ST6GALNAC3: variants seen among roughly 807,000 people sequenced by gnomAD.
ST6GALNAC3 encodes ST6 N-acetylgalactosaminide alpha-2,6-sialyltransferase 3, also known as alpha-N-acetylgalactosaminide alpha-2,6-sialyltransferase 3.
Under a neutral mutation model 32.7 loss-of-function variants are expected in ST6GALNAC3, and 25 were observed. The observed-to-expected ratio is 0.76, with a 90% CI of 0.56 to 1.07. ST6GALNAC3 has a LOEUF of 1.07. Among genes scored for constraint, ST6GALNAC3 ranks in the 50% least tolerant of loss-of-function variants. The probability of loss-of-function intolerance (pLI) is 0.00; values close to 1 mark genes in which losing one functional copy is unlikely to be tolerated. For missense variants in ST6GALNAC3, 355 were observed against 382.4 expected, an observed-to-expected ratio of 0.93 and a Z score of 0.60; for synonymous variants, 129 against 133.1, an observed-to-expected ratio of 0.97 and a Z score of 0.21.
At chr1:76,346,731 C>G (rs1648551937) in intron 2 of ST6GALNAC3, among the ~76,000 whole-genome samples, 1 of 152,086 alleles carries the variant, frequency 6.6e-6, no homozygotes. Context: ...CATAATGCTC[C>G]TGAGCACCCA....
chr1:76,283,214 T>C (rs1659597185), intron 1 of ST6GALNAC3, among the ~76,000 whole-genome samples: 1 of 152,186 alleles, frequency 6.6e-6, no homozygotes, highest in Non-Finnish European at 1.5e-5. Context: ...GTTTCTATAT[T>C]ATTATTTGTT....
intron 1 of ST6GALNAC3, among the ~76,000 whole-genome samples, chr1:76,248,265 G>A (rs1657420537): frequency 6.6e-6 from 1 of 152,112 alleles, no homozygotes; most frequent in African/African-American, 2.4e-5. Flanking sequence ...GACCATCTTG[G>A]TCCCTCTCTC....
In ST6GALNAC3 at chr1:76,509,639, G is replaced by T. The variant is rs542357164; in HGVS notation, c.623+97222G>T. Among the ~76,000 whole-genome samples, 2 of 152,150 alleles carry T rather than the reference G, an allele frequency of 1.3e-5. No individual in the cohort carries two copies. The highest frequency in any genetic ancestry group is 2.9e-5 in the Non-Finnish European group (2 of 68,030). ...AACACAAAGTTATTTTATACAGTTC[G>T]AAGTTAGAAGTCTAAAATGGGTTGT... is the stretch of plus-strand genomic sequence containing the variant. On this transcript the variant is annotated intron_variant, in intron 3 of 4. Transcript: ENST00000328299. The surrounding 1 kb of genome is among the most constrained non-coding windows in gnomAD (Gnocchi z 5.5).
chr1:76,136,131 A>T (rs1557645455), intron 1 of ST6GALNAC3, among the ~76,000 whole-genome samples: 2 of 152,002 alleles, frequency 1.3e-5, no homozygotes, highest in Non-Finnish European at 2.9e-5. Flanking sequence ...AGAAGTTTAT[A>T]CTCTTCATTG....
In ST6GALNAC3 at chr1:76,236,519, A is replaced by G. The variant is rs571565308; in HGVS notation, c.19-77286A>G. On this transcript the variant is annotated intron_variant, in intron 1 of 4. Coordinates refer to ENST00000328299, the MANE Select transcript of ST6GALNAC3 (RefSeq NM_152996.4). The stretch of plus-strand genomic sequence containing the variant: ...CTTGAGAACCTACTAAGTGTCAGAT[A>G]CTATATTGTCAAAAACTTCTAATCC... Among the ~76,000 whole-genome samples, 7 of 152,342 alleles carry G rather than the reference A, an allele frequency of 4.6e-5. No homozygotes were observed. The East Asian group carries it at 1.4e-3, about 29-fold the overall frequency.
intron 3 of ST6GALNAC3, among the ~76,000 whole-genome samples, chr1:76,420,952 G>A (rs927723378): frequency 2.0e-5 from 3 of 151,850 alleles, no homozygotes; most frequent in East Asian, 1.9e-4. Flanking sequence ...TCTACCATGC[G>A]TTATTGTTAT....
chr1:76,123,446 A>G (rs541500673), intron 1 of ST6GALNAC3, among the ~76,000 whole-genome samples: 68 of 151,914 alleles, frequency 4.5e-4, no homozygotes, highest in African/African-American at 1.6e-3. Context: ...ATTACTGTGC[A>G]CAATGAGATT....
intron 1 of ST6GALNAC3, among the ~76,000 whole-genome samples, chr1:76,276,005 G>A (rs189816491): frequency 6.6e-6 from 1 of 152,114 alleles, no homozygotes; most frequent in Non-Finnish European, 1.5e-5. Flanking sequence ...GAAATAGCTA[G>A]CATTTCCAGG....
intron 3 of ST6GALNAC3, among the ~76,000 whole-genome samples, chr1:76,456,873 A>G (rs576904099): frequency 1.3e-5 from 2 of 152,310 alleles, no homozygotes; most frequent in South Asian, 2.1e-4. Context: ...CAGGAGAAGG[A>G]AATAAAGAGT....
chr1:76,378,762 T>C (rs2101105854), intron 2 of ST6GALNAC3, among the ~76,000 whole-genome samples: 1 of 152,340 alleles, frequency 6.6e-6, no homozygotes, highest in African/African-American at 2.4e-5. Flanking sequence ...ATGGTCATCT[T>C]AGGCTATTGT....
At chr1:76,417,260 T>C in intron 3 of ST6GALNAC3, among the ~76,000 whole-genome samples, 1 of 151,356 alleles carries the variant, frequency 6.6e-6, no homozygotes, top group South Asian at 2.1e-4. Context: ...CATTGGTTAG[T>C]GGTCACTTTT....
intron 3 of ST6GALNAC3, among the ~76,000 whole-genome samples, chr1:76,484,223 A>G (rs1439806524): frequency 2.0e-5 from 3 of 152,170 alleles, no homozygotes; most frequent in Admixed American, 6.5e-5. Flanking sequence ...TTGGTTCCAT[A>G]TGAACTTTAA....
At chr1:76,167,134 T>A (rs1309723096) in intron 1 of ST6GALNAC3, among the ~76,000 whole-genome samples, 1 of 152,208 alleles carries the variant, frequency 6.6e-6, no homozygotes, top group Non-Finnish European at 1.5e-5. Flanking sequence ...TGGCTGTGGG[T>A]TTGTCATAGA....
chr1:76,340,553 G>A (rs1647876491), intron 2 of ST6GALNAC3, among the ~76,000 whole-genome samples: 1 of 152,214 alleles, frequency 6.6e-6, no homozygotes, highest in Non-Finnish European at 1.5e-5. Context: ...AAGCAGTTAG[G>A]ATAGCCTCTG....
chr1:76,219,740 T>C (rs1318969950), intron 1 of ST6GALNAC3, among the ~76,000 whole-genome samples: 1 of 152,212 alleles, frequency 6.6e-6, no homozygotes, highest in South Asian at 2.1e-4. Flanking sequence ...GATTTGATAG[T>C]GTGCCATTTT....
At position 76,113,752 on chromosome 1, in the gene ST6GALNAC3, C is replaced by T. The variant is rs1041215967; in HGVS notation, c.18+38868C>T. Among the ~76,000 whole-genome samples, 7 of 152,104 alleles carry T rather than the reference C, an allele frequency of 4.6e-5. No homozygotes were observed. The East Asian group carries it at 1.4e-3, about 29-fold the overall frequency. On this transcript the variant is annotated intron_variant, in intron 1 of 4. Transcript: ENST00000328299. ...TGGCTGTTTTGTCCACCATTGTTTT[C>T]TGGGATTTCTGAGGAAAATTCTGAG...
intron 1 of ST6GALNAC3, among the ~76,000 whole-genome samples, chr1:76,139,940 C>T (rs779215791): frequency 2.6e-5 from 4 of 152,184 alleles, no homozygotes; most frequent in Non-Finnish European, 5.9e-5. Context: ...TCACCTGTCT[C>T]GAGGAGGAAT....
At chr1:76,437,207 A>T (rs962892714) in intron 3 of ST6GALNAC3, among the ~76,000 whole-genome samples, 1 of 152,154 alleles carries the variant, frequency 6.6e-6, no homozygotes, top group Non-Finnish European at 1.5e-5. Context: ...AATGTATTTT[A>T]TAAAATTAAG....
intron 1 of ST6GALNAC3, among the ~76,000 whole-genome samples, chr1:76,301,694 G>A (rs11807247): frequency 0.16 from 24,817 of 151,762 alleles, 2,822 homozygotes; most frequent in African/African-American, 0.32. Flanking sequence ...TCACTCTACC[G>A]AGGTTCAACT....
Sources: gnomAD v4.1 joint callset for allele counts (sites outside exome capture counted in the v4.1 genomes callset) on GRCh38, gnomAD v4.1.1 for gene constraint, Gnocchi (gnomAD v3.1) non-coding constraint, MANE v1.5 for transcripts, NCBI Gene and HGNC (gene_info 2026-07-23, HGNC 2026-07-21) for gene names.